FCHSD2: variants seen among roughly 807,000 people sequenced by gnomAD.
The protein encoded by FCHSD2 is FCH and double SH3 domains 2.
FCHSD2 carries 38 observed loss-of-function variants against 108.1 expected under a neutral mutation model. The observed-to-expected ratio is 0.35, with a 90% CI of 0.27 to 0.46. The LOEUF (loss-of-function observed/expected upper bound fraction) is 0.46. FCHSD2 is among the 20% of genes least tolerant of loss of function. FCHSD2 has a pLI of 1.00. For synonymous variants in FCHSD2, 279 were observed against 314.7 expected, an observed-to-expected ratio of 0.89 and a Z score of 1.20; for missense variants, 751 against 897.8, an observed-to-expected ratio of 0.84 and a Z score of 2.09.
chr11:72,869,430 G>A (rs139673303), intron 12 of FCHSD2: 6 of 151,736 alleles, frequency 4.0e-5, no homozygotes, highest in African/African-American at 1.5e-4. Context: ...GAGAGGGTTG[G>A]GGGGAGGGAA....
At chr11:72,911,962 C>T (rs972683517) in intron 9 of FCHSD2, among the ~76,000 whole-genome samples, 4 of 152,158 alleles carry the variant, frequency 2.6e-5, no homozygotes, top group African/African-American at 9.7e-5. Flanking sequence ...GCTTACTGTT[C>T]ACATATAGAA....
chr11:72,966,946 C>T (rs1022692972), intron 8 of FCHSD2, among the ~76,000 whole-genome samples: 1 of 152,078 alleles, frequency 6.6e-6, no homozygotes, highest in African/African-American at 2.4e-5. Context: ...CGCCTGTAAT[C>T]CCAGCACTTT....
intron 14 of FCHSD2, among the ~76,000 whole-genome samples, chr11:72,847,515 AAAT>A (rs1455470238): frequency 1.3e-5 from 2 of 152,156 alleles, no homozygotes; most frequent in African/African-American, 4.8e-5. Flanking sequence ...GGAGTCAAAG[AAAT>A]ATGAAAACTA....
intron 12 of FCHSD2, among the ~76,000 whole-genome samples, chr11:72,882,643 GCATCT>G (rs1470477632): frequency 1.3e-5 from 2 of 152,086 alleles, no homozygotes; most frequent in Non-Finnish European, 2.9e-5. Flanking sequence ...AATATCACAT[GCATCT>G]CATAAATATG....
intron 12 of FCHSD2, among the ~76,000 whole-genome samples, chr11:72,875,616 T>TTA: frequency 6.6e-6 from 1 of 152,070 alleles, no homozygotes; most frequent in South Asian, 2.1e-4. Context: ...GAATTAGAGG[T>TTA]GTCAGCCACC....
Position 72,931,086 on chromosome 11 carries a change from C to T in FCHSD2, c.706-9136G>A, listed in dbSNP as rs149152120. ...TATATATATACCTACTATATACCCA[C>T]AATAATTAAATTTTTTTTTTTTTTT... On this transcript the variant is annotated intron_variant, in intron 8 of 19. Transcript: ENST00000409418. Among the ~76,000 whole-genome samples the T allele has an allele frequency of 8.7e-3, 1,139 of 130,462 alleles. 28 individuals are homozygous for T. Among genetic ancestry groups the T allele is most frequent in the Admixed American group, 0.037 (415 of 11,356 alleles). The allele number at this position is 130,462 out of a possible 152,430, so 85.6% of individuals were successfully genotyped here.
chr11:73,103,192 C>T (rs1860263636), intron 2 of FCHSD2, among the ~76,000 whole-genome samples: 1 of 151,070 alleles, frequency 6.6e-6, no homozygotes, highest in Non-Finnish European at 1.5e-5. Flanking sequence ...CATATAATTA[C>T]TAAAATGTAT....
At chr11:72,907,582 T>C (rs1478495082) in intron 9 of FCHSD2, among the ~76,000 whole-genome samples, 2 of 149,412 alleles carry the variant, frequency 1.3e-5, no homozygotes, top group East Asian at 3.9e-4. Context: ...TCTGCATCTA[T>C]TGAGATAATC....
rs183373687 is a variant in FCHSD2, at chr11:72,911,073, T to C, written c.829-8435A>G. Among the ~76,000 whole-genome samples, 40 of 152,336 alleles carry C rather than the reference T, an allele frequency of 2.6e-4. 1 individual carries two copies. The highest frequency in any genetic ancestry group is 2.5e-3 in the Admixed American group (38 of 15,306). On this transcript the variant is annotated intron_variant, in intron 9 of 19. Coordinates refer to ENST00000409418, the MANE Select transcript of FCHSD2 (RefSeq NM_014824.3). Reference sequence around the variant, plus strand: ...ATTACTCAATCTTTGCCTAGTCCTATGTCTTAGAGAGTTTCTCAGTGTTTT... The same window carrying C: ...ATTACTCAATCTTTGCCTAGTCCTACGTCTTAGAGAGTTTCTCAGTGTTTT...
At chr11:73,123,525 T>C (rs1860783682) in intron 2 of FCHSD2, among the ~76,000 whole-genome samples, 2 of 152,204 alleles carry the variant, frequency 1.3e-5, no homozygotes, top group South Asian at 4.1e-4. Context: ...TAATGTAAAG[T>C]GCACAGGTGA....
intron 2 of FCHSD2, among the ~76,000 whole-genome samples, chr11:73,137,809 G>GT (rs1861158312): frequency 6.6e-6 from 1 of 152,226 alleles, no homozygotes; most frequent in Non-Finnish European, 1.5e-5. Context: ...AGAGCAGGGG[G>GT]AAGAAAGAGG....
chr11:73,008,351 A>G (rs1857787142), intron 4 of FCHSD2, among the ~76,000 whole-genome samples: 1 of 152,206 alleles, frequency 6.6e-6, no homozygotes, highest in Non-Finnish European at 1.5e-5. Flanking sequence ...CAAAGAAAAG[A>G]AAATGTGATT....
At chr11:73,045,407 C>T (rs1379691306) in intron 3 of FCHSD2, among the ~76,000 whole-genome samples, 5 of 151,086 alleles carry the variant, frequency 3.3e-5, no homozygotes, top group Admixed American at 3.3e-4. Context: ...ACCCAGCCAT[C>T]CCATTACTGG....
At chr11:73,131,346 T>C (rs1447943507) in intron 2 of FCHSD2, among the ~76,000 whole-genome samples, 1 of 141,592 alleles carries the variant, frequency 7.1e-6, no homozygotes, top group Admixed American at 7.3e-5. Flanking sequence ...TGAAACCCCC[T>C]CTCTACTAAA....
At chr11:72,897,456 T>C (rs1263923042) in intron 10 of FCHSD2, among the ~76,000 whole-genome samples, 1 of 152,078 alleles carries the variant, frequency 6.6e-6, no homozygotes, top group African/African-American at 2.4e-5. Flanking sequence ...TATAATCTAG[T>C]GATGATTTAC....
intron 2 of FCHSD2, among the ~76,000 whole-genome samples, chr11:73,110,754 A>C (rs754174627): frequency 1.3e-5 from 2 of 152,024 alleles, no homozygotes; most frequent in Non-Finnish European, 2.9e-5. Context: ...AAGGTACATC[A>C]TTAGGTTATC....
intron 9 of FCHSD2, 22 bp downstream of exon 9, chr11:72,921,806 C>T (rs372850671): frequency 4.9e-5 from 79 of 1,598,588 alleles, no homozygotes; most frequent in Middle Eastern, 3.3e-4. Flanking sequence ...TAACACTACA[C>T]GTTGCACTAA....
chr11:73,105,971 C>A (rs1184641055), intron 2 of FCHSD2, among the ~76,000 whole-genome samples: 2 of 152,144 alleles, frequency 1.3e-5, no homozygotes, highest in Non-Finnish European at 2.9e-5. Flanking sequence ...CTTCACAGGT[C>A]TGTATACAAG....
intron 4 of FCHSD2, among the ~76,000 whole-genome samples, chr11:73,008,533 A>T (rs1376930649): frequency 6.6e-6 from 1 of 152,206 alleles, no homozygotes; most frequent in African/African-American, 2.4e-5. Flanking sequence ...GGAGGTGTTG[A>T]TAAGAACTGA....
Sources: allele counts gnomAD v4.1 joint callset (sites outside exome capture counted in the v4.1 genomes callset), GRCh38; gene constraint gnomAD v4.1.1; transcripts MANE v1.5; gene names NCBI Gene and HGNC (gene_info 2026-07-23, HGNC 2026-07-21).